MIPOL1: variants seen among roughly 807,000 people sequenced by gnomAD.
MIPOL1 encodes mirror-image polydactyly 1, also known as mirror-image polydactyly gene 1 protein.
MIPOL1 carries 57 observed loss-of-function variants against 60.9 expected under a neutral mutation model. The ratio of observed to expected loss-of-function variants is 0.94; its 90% confidence interval spans 0.76 to 1.17. The LOEUF (loss-of-function observed/expected upper bound fraction) is 1.17, where lower values mean the gene tolerates loss of function less well. Ranked by LOEUF, MIPOL1 falls within the 50% of genes most tolerant of loss-of-function variation. The pLI is 0.00. For synonymous variants in MIPOL1, 179 were observed against 168.8 expected (o/e 1.06, Z -0.47); for missense variants, 551 against 511.6 (o/e 1.08, Z -0.74).
intron 11 of MIPOL1, among the ~76,000 whole-genome samples, chr14:37,482,973 A>G (rs1417169174): frequency 6.6e-6 from 1 of 152,166 alleles, no homozygotes; most frequent in African/African-American, 2.4e-5. Context: ...CACATAACCT[A>G]TGCACATCCT....
At chr14:37,490,750 C>G (rs1427436030) in intron 11 of MIPOL1, among the ~76,000 whole-genome samples, 1 of 152,126 alleles carries the variant, frequency 6.6e-6, no homozygotes, top group African/African-American at 2.4e-5. Flanking sequence ...AACATCCCAC[C>G]CTGCTTCAGC....
chr14:37,455,097 G>C (rs896158016), intron 11 of MIPOL1, among the ~76,000 whole-genome samples: 1 of 151,998 alleles, frequency 6.6e-6, no homozygotes, highest in African/African-American at 2.4e-5. Context: ...ACTATCTGCT[G>C]GACATTTTCA....
chr14:37,453,642 C>T (rs1594422905), intron 11 of MIPOL1, among the ~76,000 whole-genome samples: 2 of 151,704 alleles, frequency 1.3e-5, no homozygotes, highest in South Asian at 4.2e-4. Flanking sequence ...TTTATAAGTG[C>T]CCAAAAAAGG....
intron 11 of MIPOL1, among the ~76,000 whole-genome samples, chr14:37,455,060 C>G (rs2094462363): frequency 6.6e-6 from 1 of 152,116 alleles, no homozygotes; most frequent in African/African-American, 2.4e-5. Flanking sequence ...ACATCTCTCT[C>G]TCTTTAGTTT....
intron 10 of MIPOL1, among the ~76,000 whole-genome samples, chr14:37,420,837 T>A (rs2093859858): frequency 1.3e-5 from 2 of 152,122 alleles, no homozygotes; most frequent in Admixed American, 6.6e-5. Flanking sequence ...TGAAGTTCAT[T>A]GTAGCCACAG....
At chr14:37,506,756 T>G (rs1351459713) in intron 12 of MIPOL1, 1 of 152,118 alleles carries the variant, frequency 6.6e-6, no homozygotes, top group Non-Finnish European at 1.5e-5. Context: ...TGGGATCTAA[T>G]TAAACTAAAG....
intron 12 of MIPOL1, among the ~76,000 whole-genome samples, chr14:37,543,569 G>A (rs1158055606): frequency 2.6e-5 from 4 of 152,182 alleles, no homozygotes; most frequent in African/African-American, 7.2e-5. Context: ...GAGCCACCTT[G>A]TCTGGCCTGA....
chr14:37,338,998 A>G (rs1356427156), intron 9 of MIPOL1, among the ~76,000 whole-genome samples: 2 of 152,250 alleles, frequency 1.3e-5, no homozygotes, highest in Admixed American at 6.5e-5. Context: ...AACAAAATTA[A>G]AAGTGAAAGC....
intron 1 of MIPOL1, among the ~76,000 whole-genome samples, chr14:37,230,024 A>G (rs1970368907): frequency 6.6e-6 from 1 of 152,178 alleles, no homozygotes; most frequent in South Asian, 2.1e-4. Context: ...ACAGTTAATA[A>G]CAATGTATTA....
chr14:37,332,347 C>T (rs1374093496), intron 9 of MIPOL1, among the ~76,000 whole-genome samples: 3 of 152,060 alleles, frequency 2.0e-5, no homozygotes, highest in Admixed American at 6.5e-5. Flanking sequence ...TCTGTTGATG[C>T]AATGTATCAC....
At chr14:37,354,182 A>T (rs994768917) in intron 9 of MIPOL1, among the ~76,000 whole-genome samples, 1 of 151,166 alleles carries the variant, frequency 6.6e-6, no homozygotes. Flanking sequence ...GTCATTCAGG[A>T]GCAGGTTGTT....
intron 3 of MIPOL1, among the ~76,000 whole-genome samples, chr14:37,256,738 G>GCTCAAGAGATCT (rs199871529): frequency 0.22 from 33,331 of 151,750 alleles, 4,137 homozygotes; most frequent in South Asian, 0.35. Context: ...TCTTGAGAAT[G>GCTCAAGAGATCT]CAGTAGAAAC....
intron 11 of MIPOL1, among the ~76,000 whole-genome samples, chr14:37,469,436 C>G (rs1200554591): frequency 1.3e-5 from 2 of 152,092 alleles, no homozygotes; most frequent in African/African-American, 4.8e-5. Context: ...GAAACCACCC[C>G]CATTATCTAA....
intron 9 of MIPOL1, among the ~76,000 whole-genome samples, chr14:37,328,519 A>G (rs1236859977): frequency 1.3e-5 from 2 of 152,178 alleles, no homozygotes; most frequent in Non-Finnish European, 2.9e-5. Flanking sequence ...CAAAAAATGA[A>G]ATTTAAAAAA....
chr14:37,479,420 C>T (rs1388303552), intron 11 of MIPOL1, among the ~76,000 whole-genome samples: 3 of 151,964 alleles, frequency 2.0e-5, no homozygotes, highest in African/African-American at 7.3e-5. Context: ...AACTACATGG[C>T]AATTAACATG....
rs757987681 is a variant in MIPOL1, at chr14:37,422,870, A to G, written c.952A>G (p.Met318Val). Residue 318 changes from methionine to valine, a missense_variant, in exon 11 of 13, where the codon ATG (methionine) becomes GTG (valine). Physicochemically the swap from Met to Val is conservative, Grantham distance 21. Transcript: ENST00000684589. Reference protein sequence around the residue: ...ERALKAKLLSMQQARETAVQQ... With the variant: ...ERALKAKLLSVQQARETAVQQ... ...TTACTTTTAGGCAAAGTTGTTATCT[A>G]TGCAACAAGCCAGAGAAACTGCAGT... 52 of 1,605,636 alleles carry G rather than the reference A, an allele frequency of 3.2e-5. No individual in the cohort carries two copies. Among genetic ancestry groups the G allele is most frequent in the East Asian group, 9.0e-5 (4 of 44,458 alleles).
intron 3 of MIPOL1, among the ~76,000 whole-genome samples, chr14:37,255,893 A>G (rs1413807381): frequency 6.6e-6 from 1 of 151,844 alleles, no homozygotes; most frequent in East Asian, 1.9e-4. Context: ...ACATATAACC[A>G]TTTAGTACTA....
intron 12 of MIPOL1, among the ~76,000 whole-genome samples, chr14:37,501,241 A>G (rs1002940400): frequency 6.6e-6 from 1 of 152,212 alleles, no homozygotes; most frequent in Non-Finnish European, 1.5e-5. Flanking sequence ...GTCAGAAACT[A>G]TATGCAGTTA....
At chr14:37,436,105 A>G (rs2153562739) in intron 11 of MIPOL1, among the ~76,000 whole-genome samples, 1 of 152,296 alleles carries the variant, frequency 6.6e-6, no homozygotes, top group South Asian at 2.1e-4. Flanking sequence ...ACTGTTTTTG[A>G]AGGTATTTTA....
Sources: allele counts gnomAD v4.1 joint callset (sites outside exome capture counted in the v4.1 genomes callset), GRCh38; gene constraint gnomAD v4.1.1; transcripts MANE v1.5; gene names NCBI Gene and HGNC (gene_info 2026-07-23, HGNC 2026-07-21).